Variants in KCNH5 observed in about 807,000 individuals in gnomAD.
KCNH5 encodes the protein voltage-gated delayed rectifier potassium channel KCNH5.
Under a neutral mutation model 96.1 loss-of-function variants are expected in KCNH5, and 46 were observed. The ratio of observed to expected loss-of-function variants is 0.48; its 90% CI spans 0.38 to 0.61. KCNH5 has a LOEUF of 0.61. Ranked by LOEUF, KCNH5 falls within the 20% of genes least tolerant of loss-of-function variation. KCNH5 has a pLI of 0.00. For missense variants in KCNH5, 907 were observed against 1,225.8 expected, an observed-to-expected ratio of 0.74 and a Z score of 3.88; for synonymous variants, 439 against 449.8, an observed-to-expected ratio of 0.98 and a Z score of 0.30.
At chr14:62,713,710 GTTTTA>G (rs1261493015) in intron 10 of KCNH5, among the ~76,000 whole-genome samples, 3 of 152,088 alleles carry the variant, frequency 2.0e-5, no homozygotes, top group East Asian at 1.9e-4. Flanking sequence ...ATAGTTCTTT[GTTTTA>G]TTTTAAGTTT....
rs1193594171 is a variant in KCNH5, at chr14:62,703,062, C to T, written c.*4446G>A. The stretch of plus-strand genomic sequence containing the variant: ...TTTTTCACAAAATTGAGAATTTCTG[C>T]CAAGCAGTATGATTAAGTAGAAATA... On this transcript the variant is annotated 3_prime_UTR_variant, in exon 11 of 11. Coordinates refer to ENST00000322893, the MANE Select transcript of KCNH5 (RefSeq NM_139318.5). The T allele has an allele frequency of 6.6e-6, 1 of 151,870 alleles. No homozygotes were observed. Among genetic ancestry groups the T allele is most frequent in the Non-Finnish European group, 1.5e-5 (1 of 67,816 alleles). 9.4% of individuals were successfully genotyped at this position (151,870 alleles called of 1,614,324 possible).
chr14:62,752,182 G>A (rs1402608452), intron 10 of KCNH5, among the ~76,000 whole-genome samples: 1 of 152,010 alleles, frequency 6.6e-6, no homozygotes, highest in Non-Finnish European at 1.5e-5. Flanking sequence ...GTATATTATG[G>A]TTTGGGTTGT....
intron 2 of KCNH5, among the ~76,000 whole-genome samples, chr14:63,007,646 T>A (rs921802488): frequency 1.1e-4 from 17 of 152,150 alleles, no homozygotes; most frequent in African/African-American, 3.9e-4. Flanking sequence ...GGTTTCAGCT[T>A]GCATGGACCT....
chr14:62,711,706 T>C (rs1884572129), intron 10 of KCNH5, among the ~76,000 whole-genome samples: 1 of 152,148 alleles, frequency 6.6e-6, no homozygotes, highest in Non-Finnish European at 1.5e-5. Context: ...GCCCTTCACT[T>C]CCTTTATAGC....
In KCNH5 at chr14:62,941,719, GC is replaced by G. The variant is rs1384156556; in HGVS notation, c.1369+8413del. ...TTTCTACCTACACCGCAATAACAAG[GC>G]CAAGACAAATTTTAACATGTAACTT... On this transcript the variant is annotated intron_variant, in intron 7 of 10. Transcript: ENST00000322893. 2.0e-5 allele frequency among the ~76,000 whole-genome samples: 3 copies of G among 152,154 alleles called. No homozygotes were observed. The East Asian group carries it at 5.8e-4, about 29-fold the overall frequency.
At chr14:62,820,806 C>T (rs1303402043) in intron 8 of KCNH5, among the ~76,000 whole-genome samples, 1 of 152,038 alleles carries the variant, frequency 6.6e-6, no homozygotes, top group Non-Finnish European at 1.5e-5. Flanking sequence ...CATATACATG[C>T]ATGTGTCTTC....
chr14:63,032,821 G>C (rs1427869642), intron 1 of KCNH5, among the ~76,000 whole-genome samples: 2 of 152,028 alleles, frequency 1.3e-5, no homozygotes, highest in Non-Finnish European at 2.9e-5. Context: ...TTTCTTCAAG[G>C]GAATGAAAAG....
intron 9 of KCNH5, 34 bp from the exon 10 acceptor site, chr14:62,779,958 C>T (rs2139975713): frequency 6.5e-7 from 1 of 1,536,116 alleles, no homozygotes; most frequent in East Asian, 2.3e-5. Flanking sequence ...ATTCAAGTAT[C>T]TAACACTGTT....
At chr14:62,784,916 T>C (rs1886289852) in intron 9 of KCNH5, among the ~76,000 whole-genome samples, 1 of 152,178 alleles carries the variant, frequency 6.6e-6, no homozygotes, top group Admixed American at 6.5e-5. Context: ...GAGTATGAAC[T>C]CATGATAAAC....
intron 7 of KCNH5, among the ~76,000 whole-genome samples, chr14:62,856,198 T>C (rs1433046935): frequency 2.0e-5 from 3 of 152,194 alleles, no homozygotes; most frequent in Non-Finnish European, 4.4e-5. Context: ...TGATAAGAGA[T>C]CAAATAGTGA....
Position 62,945,139 on chromosome 14 carries a change from A to G in KCNH5, c.1369+4994T>C, listed in dbSNP as rs150748643. Among the ~76,000 whole-genome samples, 682 of 152,294 alleles carry G rather than the reference A, an allele frequency of 4.5e-3. 4 individuals carry two copies. Among genetic ancestry groups the G allele is most frequent in the Non-Finnish European group, 5.0e-3 (341 of 68,012 alleles). ...AATACAGTTTCGGAAACCCAACTGA[A>G]TATACGTGAAAATTTCCACTGTAGG... On this transcript the variant is annotated intron_variant, in intron 7 of 10. Transcript: ENST00000322893.
intron 7 of KCNH5, among the ~76,000 whole-genome samples, chr14:62,861,637 TACACACACACACACAC>T (rs142699720): frequency 0.11 from 16,142 of 141,874 alleles, 1,109 homozygotes; most frequent in East Asian, 0.28. Context: ...CATCTCCATT[TACACACACACACACAC>T]ACACACACAC....
chr14:63,036,621 G>A (rs1891726938), intron 1 of KCNH5, among the ~76,000 whole-genome samples: 2 of 152,104 alleles, frequency 1.3e-5, no homozygotes, highest in Non-Finnish European at 2.9e-5. Flanking sequence ...TGGAAATACA[G>A]ACCTGGGGCA....
At chr14:62,863,601 A>C (rs577933130) in intron 7 of KCNH5, among the ~76,000 whole-genome samples, 1 of 152,310 alleles carries the variant, frequency 6.6e-6, no homozygotes, top group African/African-American at 2.4e-5. Flanking sequence ...TAAAAGTTCA[A>C]ATGGGTTTAC....
At chr14:62,833,468 T>C (rs1179442614) in intron 8 of KCNH5, among the ~76,000 whole-genome samples, 2 of 152,096 alleles carry the variant, frequency 1.3e-5, no homozygotes, top group Non-Finnish European at 2.9e-5. Context: ...GGTTTATTTA[T>C]GGTCTTTCTA....
intron 10 of KCNH5, among the ~76,000 whole-genome samples, chr14:62,731,692 A>T (rs1193158392): frequency 6.6e-6 from 1 of 152,240 alleles, no homozygotes; most frequent in African/African-American, 2.4e-5. Context: ...GAATGCCACC[A>T]TTGCCACAGG....
At chr14:62,743,618 G>A (rs184542978) in intron 10 of KCNH5, among the ~76,000 whole-genome samples, 45 of 152,092 alleles carry the variant, frequency 3.0e-4, no homozygotes, top group Non-Finnish European at 5.2e-4. Flanking sequence ...CATTTGTGTA[G>A]GTAAAGGTCA....
chr14:62,741,762 C>T (rs755538774), intron 10 of KCNH5, among the ~76,000 whole-genome samples: 3 of 152,058 alleles, frequency 2.0e-5, no homozygotes, highest in Non-Finnish European at 4.4e-5. Context: ...GGTTTTGTTT[C>T]CTGCTTTTAT....
intron 8 of KCNH5, among the ~76,000 whole-genome samples, chr14:62,838,529 T>A (rs1281541709): frequency 6.6e-6 from 1 of 152,176 alleles, no homozygotes; most frequent in Non-Finnish European, 1.5e-5. Flanking sequence ...AGTCAAAAGC[T>A]AATGGGATTT....
Sources: gnomAD v4.1 joint callset for allele counts (sites outside exome capture counted in the v4.1 genomes callset) on GRCh38, gnomAD v4.1.1 for gene constraint, MANE v1.5 for transcripts, NCBI Gene and HGNC (gene_info 2026-07-23, HGNC 2026-07-21) for gene names.